Variants in ARSB observed in about 807,000 individuals in gnomAD.
ARSB encodes N-acetylgalactosamine-4-sulfatase.
ARSB carries 41 observed loss-of-function variants against 50.9 expected under a neutral mutation model. The observed-to-expected ratio is 0.81, with a 90% CI of 0.63 to 1.04. The LOEUF (loss-of-function observed/expected upper bound fraction) is 1.04. Among genes scored for constraint, ARSB ranks in the 50% least tolerant of loss-of-function variants. ARSB has a pLI of 0.00. For missense variants in ARSB, 672 were observed against 693.3 expected, an observed-to-expected ratio of 0.97 and a Z score of 0.35; for synonymous variants, 269 against 284.8, an observed-to-expected ratio of 0.94 and a Z score of 0.56.
chr5:78,966,146 G>A (rs1445634559), intron 2 of ARSB, among the ~76,000 whole-genome samples: 1 of 152,180 alleles, frequency 6.6e-6, no homozygotes, highest in African/African-American at 2.4e-5. Flanking sequence ...CAGAATATAG[G>A]ACAGATACAC....
intron 2 of ARSB, among the ~76,000 whole-genome samples, chr5:78,968,178 C>G (rs1561532406): frequency 6.6e-6 from 1 of 151,574 alleles, no homozygotes; most frequent in African/African-American, 2.4e-5. Context: ...ATTGCAAAAA[C>G]AGATTTCACA....
At chr5:78,961,634 A>C (rs926210909) in intron 3 of ARSB, among the ~76,000 whole-genome samples, 1 of 152,146 alleles carries the variant, frequency 6.6e-6, no homozygotes, top group African/African-American at 2.4e-5. Context: ...TTATCTGCTT[A>C]ATGTTATGGA....
At chr5:78,936,850 A>T (rs1003169069) in intron 4 of ARSB, among the ~76,000 whole-genome samples, 1 of 152,202 alleles carries the variant, frequency 6.6e-6, no homozygotes, top group South Asian at 2.1e-4. Context: ...TAGATTCTAT[A>T]TCTTTAAATA....
chr5:78,845,476 C>G (rs1287722443), intron 5 of ARSB, among the ~76,000 whole-genome samples: 1 of 152,098 alleles, frequency 6.6e-6, no homozygotes, highest in Non-Finnish European at 1.5e-5. Flanking sequence ...AATGGCTAGA[C>G]TAATTTGCAT....
chr5:78,959,176 C>T (rs957335058), intron 3 of ARSB, among the ~76,000 whole-genome samples: 10 of 152,108 alleles, frequency 6.6e-5, no homozygotes, highest in Admixed American at 2.6e-4. Flanking sequence ...TTTTATAAGG[C>T]GCTTTTCCCC....
intron 6 of ARSB, among the ~76,000 whole-genome samples, chr5:78,799,568 G>A (rs1030771906): frequency 2.0e-5 from 3 of 152,168 alleles, no homozygotes; most frequent in Admixed American, 6.5e-5. Context: ...TGATGTGTAT[G>A]GCAAAATCCT....
chr5:78,967,827 T>C (rs1038624666), intron 2 of ARSB, among the ~76,000 whole-genome samples: 2 of 152,212 alleles, frequency 1.3e-5, no homozygotes, highest in Admixed American at 6.5e-5. Context: ...CTATGTTCAA[T>C]ATGTGTTCCT....
intron 4 of ARSB, among the ~76,000 whole-genome samples, 181 bp from the exon 5 acceptor site, chr5:78,886,008 T>C (rs1419417577): frequency 6.6e-6 from 1 of 152,146 alleles, no homozygotes; most frequent in Non-Finnish European, 1.5e-5. Context: ...TATTCAGACA[T>C]AAGTAAGGCC....
chr5:78,791,830 C>T (rs925368104), intron 6 of ARSB, among the ~76,000 whole-genome samples: 1 of 152,166 alleles, frequency 6.6e-6, no homozygotes, highest in Admixed American at 6.5e-5. Flanking sequence ...CTTTAGTGAA[C>T]CTCTTTGCTT....
intron 6 of ARSB, among the ~76,000 whole-genome samples, chr5:78,803,171 T>C (rs7719520): frequency 0.093 from 14,179 of 152,286 alleles, 1,402 homozygotes; most frequent in African/African-American, 0.25. Context: ...GAGAGTCAGT[T>C]TCCTCCCCAG....
chr5:78,870,729 G>C (rs1050072749), intron 5 of ARSB, among the ~76,000 whole-genome samples: 1 of 149,594 alleles, frequency 6.7e-6, no homozygotes, highest in African/African-American at 2.4e-5. Context: ...GCAAAAACTG[G>C]AAGCATTCCC....
At chr5:78,941,704 T>C (rs1416936903) in intron 4 of ARSB, among the ~76,000 whole-genome samples, 2 of 152,198 alleles carry the variant, frequency 1.3e-5, no homozygotes, top group Non-Finnish European at 2.9e-5. Flanking sequence ...TTGAGGATTT[T>C]TGCATCAATG....
intron 4 of ARSB, among the ~76,000 whole-genome samples, chr5:78,904,155 T>C (rs1748927923): frequency 6.6e-6 from 1 of 152,238 alleles, no homozygotes; most frequent in African/African-American, 2.4e-5. Flanking sequence ...GATTCATCCA[T>C]GCTAATGTGT....
intron 4 of ARSB, among the ~76,000 whole-genome samples, chr5:78,905,900 A>G (rs1386073280): frequency 2.6e-5 from 3 of 117,080 alleles, no homozygotes; most frequent in Non-Finnish European, 3.5e-5. Flanking sequence ...TGCCTTTGGG[A>G]GCAAAGTAGC....
intron 4 of ARSB, among the ~76,000 whole-genome samples, chr5:78,933,569 G>A (rs148482173): frequency 6.6e-6 from 1 of 152,144 alleles, no homozygotes; most frequent in Non-Finnish European, 1.5e-5. Flanking sequence ...GAGCTGCCTT[G>A]TGGATGGGGA....
intron 5 of ARSB, among the ~76,000 whole-genome samples, chr5:78,869,040 C>A (rs1318405802): frequency 1.3e-5 from 2 of 149,992 alleles, no homozygotes; most frequent in South Asian, 2.1e-4. Flanking sequence ...AGACTTTAAA[C>A]CAACAAAGAT....
At chr5:78,808,587 C>T (rs935908351) in intron 6 of ARSB, among the ~76,000 whole-genome samples, 1 of 152,176 alleles carries the variant, frequency 6.6e-6, no homozygotes, top group Non-Finnish European at 1.5e-5. Context: ...TCTCCGGGCA[C>T]ATCCTGTACT....
At chr5:78,984,903 C>A (rs976047071) in intron 1 of ARSB, 34 bp downstream of exon 1, 1 of 1,289,392 alleles carries the variant, frequency 7.8e-7, no homozygotes, top group Non-Finnish European at 9.8e-7. Flanking sequence ...AAAGGCGGGG[C>A]GGGGGCGGCG....
At chr5:78,841,116 T>C (rs1028818789) in intron 5 of ARSB, among the ~76,000 whole-genome samples, 5 of 140,342 alleles carry the variant, frequency 3.6e-5, no homozygotes, top group African/African-American at 1.4e-4. Flanking sequence ...TTAGGCAACA[T>C]ACTGAGACCT....
Sources: allele counts gnomAD v4.1 joint callset (sites outside exome capture counted in the v4.1 genomes callset), GRCh38; gene constraint gnomAD v4.1.1; transcripts MANE v1.5; gene names NCBI Gene and HGNC (gene_info 2026-07-23, HGNC 2026-07-21).